The following RBFOX1 variants were observed in gnomAD, a reference collection of about 807,000 sequenced individuals.
RBFOX1 encodes RNA binding protein fox-1 homolog 1.
RBFOX1 carries 8 observed loss-of-function variants against 57.7 expected under a neutral mutation model. The observed-to-expected ratio is 0.14, with a 90% CI of 0.08 to 0.25. The LOEUF is 0.25. RBFOX1 is among the 10% of genes least tolerant of loss of function. The pLI is 1.00. For synonymous variants in RBFOX1, 326 were observed against 222.4 expected, an observed-to-expected ratio of 1.47 and a Z score of -4.15; for missense variants, 611 against 548.5, an observed-to-expected ratio of 1.11 and a Z score of -1.14.
rs1273045503 is a variant in RBFOX1, at chr16:7,332,751, C to T, written c.28-185396C>T. ...TAGGCAAGCTGTTCCCAAAATAGCA[C>T]CTTCCATTTTGGTAGCTTCAACTTT... is the stretch of plus-strand genomic sequence containing the variant. On this transcript the variant is annotated intron_variant, in intron 4 of 15. Transcript: ENST00000550418. The T allele has an allele frequency of 2.2e-6, 3 of 1,367,012 alleles. No individual in the cohort carries two copies. In the African/African-American group the frequency reaches 4.4e-5, roughly 20 times the overall value. 84.7% of individuals were successfully genotyped at this position (1,367,012 alleles called of 1,614,324 possible). A position where few individuals can be genotyped will look rare whatever the true frequency, so the allele number is the denominator to read the frequency against.
At chr16:6,549,729 G>C (rs145749504) in intron 2 of RBFOX1, among the ~76,000 whole-genome samples, 65 of 152,180 alleles carry the variant, frequency 4.3e-4, no homozygotes, top group Middle Eastern at 3.4e-3. Flanking sequence ...ATGACCTACA[G>C]AGTAAGGTAA....
At chr16:6,489,717 A>G (rs1031061802) in intron 2 of RBFOX1, among the ~76,000 whole-genome samples, 9 of 152,176 alleles carry the variant, frequency 5.9e-5, no homozygotes, top group Admixed American at 4.6e-4. Flanking sequence ...ATGAGTGATA[A>G]TGCTCACAGC....
intron 4 of RBFOX1, among the ~76,000 whole-genome samples, chr16:5,976,590 C>A (rs1185179161): frequency 1.3e-5 from 2 of 152,092 alleles, no homozygotes; most frequent in African/African-American, 4.8e-5. Flanking sequence ...TATTTGAGGC[C>A]AGGCACAGTG....
At chr16:6,041,406 G>C (rs997674902) in intron 1 of RBFOX1, among the ~76,000 whole-genome samples, 2 of 152,174 alleles carry the variant, frequency 1.3e-5, no homozygotes, top group Non-Finnish European at 2.9e-5. Context: ...AAGATGACAA[G>C]ACTAGAAGTC....
Position 5,859,200 on chromosome 16 carries a change from G to C in RBFOX1, c.319-8103G>C, listed in dbSNP as rs1259087094. ...AGCCTGGGCGACACAGCGAGACTCT[G>C]TCTCACAAACAAAAACAAAAACAAA... On this transcript the variant is annotated intron_variant, in intron 3 of 19. Transcript: ENST00000641259. 3.9e-5 allele frequency among the ~76,000 whole-genome samples: 6 copies of C among 152,170 alleles called. No individual in the cohort carries two copies. The East Asian group carries it at 1.2e-3, about 29-fold the overall frequency.
At chr16:7,390,546 C>T (rs536116283) in intron 4 of RBFOX1, among the ~76,000 whole-genome samples, 1 of 152,138 alleles carries the variant, frequency 6.6e-6, no homozygotes, top group Non-Finnish European at 1.5e-5. Flanking sequence ...AGAAAATGCA[C>T]CTAAAGCATC....
At chr16:7,291,279 A>G (rs1423184747) in intron 4 of RBFOX1, among the ~76,000 whole-genome samples, 1 of 152,186 alleles carries the variant, frequency 6.6e-6, no homozygotes. Context: ...AGACATCCTT[A>G]GTTTTGGGTA....
chr16:7,039,771 C>G (rs1262719027), intron 3 of RBFOX1, among the ~76,000 whole-genome samples: 3 of 152,070 alleles, frequency 2.0e-5, no homozygotes, highest in Non-Finnish European at 2.9e-5. Flanking sequence ...GTATTATGTT[C>G]AAAGATTTCA....
chr16:6,932,527 C>T (rs1263283369), intron 3 of RBFOX1, among the ~76,000 whole-genome samples: 1 of 152,134 alleles, frequency 6.6e-6, no homozygotes, highest in African/African-American at 2.4e-5. Flanking sequence ...GGAGGATCTG[C>T]TTCCAAGTGT....
chr16:5,471,078 C>G (rs1055859790), intron 2 of RBFOX1, among the ~76,000 whole-genome samples: 1 of 152,140 alleles, frequency 6.6e-6, no homozygotes, highest in Non-Finnish European at 1.5e-5. Flanking sequence ...AGGTGATCCA[C>G]CGGCCTCGGT....
At chr16:5,794,920 C>T (rs1479060262) in intron 3 of RBFOX1, among the ~76,000 whole-genome samples, 3 of 152,200 alleles carry the variant, frequency 2.0e-5, no homozygotes, top group Non-Finnish European at 4.4e-5. Context: ...CCAGTCTACA[C>T]ACTGTCTGTG....
At chr16:5,715,988 G>T (rs1662112600) in intron 3 of RBFOX1, among the ~76,000 whole-genome samples, 1 of 151,990 alleles carries the variant, frequency 6.6e-6, no homozygotes. Context: ...TCTCTCATTT[G>T]CTCCCTATTT....
intron 3 of RBFOX1, among the ~76,000 whole-genome samples, chr16:6,727,024 C>T (rs913768787): frequency 8.6e-5 from 9 of 104,368 alleles, no homozygotes; most frequent in East Asian, 6.1e-4. Context: ...ATGAGAGCGC[C>T]TCATGACCTT....
intron 3 of RBFOX1, among the ~76,000 whole-genome samples, chr16:6,908,465 C>G (rs2070674621): frequency 6.6e-6 from 1 of 152,168 alleles, no homozygotes; most frequent in Admixed American, 6.5e-5. Flanking sequence ...TCTAGACTTT[C>G]TCCCCAGCAT....
At chr16:6,156,035 A>T (rs1422769268) in intron 1 of RBFOX1, among the ~76,000 whole-genome samples, 1 of 152,200 alleles carries the variant, frequency 6.6e-6, no homozygotes, top group Non-Finnish European at 1.5e-5. Context: ...ACTGGGGCAG[A>T]GAAAAATGAG....
chr16:6,771,477 C>G (rs969599863), intron 3 of RBFOX1, among the ~76,000 whole-genome samples: 4 of 152,144 alleles, frequency 2.6e-5, no homozygotes, highest in African/African-American at 9.7e-5. Context: ...AGCAGAGAGA[C>G]TTTCTGATGC....
chr16:6,227,154 G>T (rs913204354), intron 1 of RBFOX1, among the ~76,000 whole-genome samples: 1 of 151,818 alleles, frequency 6.6e-6, no homozygotes, highest in African/African-American at 2.4e-5. Flanking sequence ...TATTATTACT[G>T]CCTCATATAT....
At chr16:5,962,793 C>T (rs2059774594) in intron 4 of RBFOX1, among the ~76,000 whole-genome samples, 1 of 147,804 alleles carries the variant, frequency 6.8e-6, no homozygotes, top group South Asian at 2.2e-4. Flanking sequence ...AATCCAGCAG[C>T]TACGGTATGA....
intron 3 of RBFOX1, among the ~76,000 whole-genome samples, chr16:7,007,645 C>G (rs2093377726): frequency 6.6e-6 from 1 of 152,204 alleles, no homozygotes; most frequent in South Asian, 2.1e-4. Flanking sequence ...TACGTTTCTA[C>G]TCTTTCTTGT....
Sources: gnomAD v4.1 joint callset for allele counts (sites outside exome capture counted in the v4.1 genomes callset) on GRCh38, gnomAD v4.1.1 for gene constraint, MANE v1.5 for transcripts, NCBI Gene and HGNC (gene_info 2026-07-23, HGNC 2026-07-21) for gene names.